DLGAP2: variants seen among roughly 807,000 people sequenced by gnomAD.
DLGAP2 encodes the protein disks large-associated protein 2.
A neutral mutation model predicts 100.3 loss-of-function variants in DLGAP2; 26 were observed. The ratio of observed to expected loss-of-function variants is 0.26; its 90% CI spans 0.19 to 0.36. DLGAP2 has a LOEUF of 0.36. DLGAP2 is among the 10% of genes least tolerant of loss of function. The pLI is 1.00. For missense variants in DLGAP2, 1,858 were observed against 1,453.2 expected, an observed-to-expected ratio of 1.28 and a Z score of -4.53; for synonymous variants, 886 against 630.1, an observed-to-expected ratio of 1.41 and a Z score of -6.08.
At chr8:1,691,269 G>A (rs767133159) in intron 12 of DLGAP2, among the ~76,000 whole-genome samples, 2 of 152,262 alleles carry the variant, frequency 1.3e-5, no homozygotes, top group East Asian at 3.9e-4. Flanking sequence ...AACTCCCTGA[G>A]GTATAGGCCG....
chr8:1,063,184 G>A (rs574799367), intron 2 of DLGAP2, among the ~76,000 whole-genome samples: 1 of 152,324 alleles, frequency 6.6e-6, no homozygotes, highest in African/African-American at 2.4e-5. Context: ...GCCGCAAAGT[G>A]CTGCCATATA....
At chr8:1,439,368 C>T (rs1005203848) in intron 3 of DLGAP2, among the ~76,000 whole-genome samples, 1 of 152,144 alleles carries the variant, frequency 6.6e-6, no homozygotes, top group Admixed American at 6.5e-5. Flanking sequence ...ACAGCACAGT[C>T]ATTGCCACGG....
At chr8:796,511 G>A (rs1796040167) in intron 1 of DLGAP2, among the ~76,000 whole-genome samples, 1 of 152,162 alleles carries the variant, frequency 6.6e-6, no homozygotes, top group South Asian at 2.1e-4. Context: ...GGCCTGCTCT[G>A]TTCTCTCCCT....
In DLGAP2 at chr8:1,548,328, AGG is replaced by A. The variant is rs1801615649; in HGVS notation, c.173-297_173-296del. Reference sequence around the variant, plus strand: ...TACAAAATTAGCCGGGCGTGGTGGCAGGCGCCTGTAGTCCCAGCTACTCGGGA... The same window carrying A: ...TACAAAATTAGCCGGGCGTGGTGGCACGCCTGTAGTCCCAGCTACTCGGGA... On this transcript the variant is annotated intron_variant, in intron 4 of 14. Transcript: ENST00000637795. Among the ~76,000 whole-genome samples, 7 of 100,940 alleles carry A rather than the reference AGG, an allele frequency of 6.9e-5. 1 individual carries two copies. The highest frequency in any genetic ancestry group is 2.0e-4 in the African/African-American group (5 of 25,062). 66.2% of individuals were successfully genotyped at this position (100,940 alleles called of 152,430 possible).
intron 2 of DLGAP2, among the ~76,000 whole-genome samples, chr8:999,614 G>A (rs1461663138): frequency 2.0e-5 from 3 of 151,894 alleles, no homozygotes; most frequent in Admixed American, 6.6e-5. Flanking sequence ...GAGTAGCTGG[G>A]ATTACAGGCG....
intron 13 of DLGAP2, among the ~76,000 whole-genome samples, chr8:1,692,365 G>C (rs113043481): frequency 1.9e-3 from 34 of 18,338 alleles, no homozygotes; most frequent in Admixed American, 4.1e-3. Flanking sequence ...CGGTACCGAG[G>C]CAGGGAGGCG....
chr8:1,058,644 C>T (rs569774916), intron 2 of DLGAP2, among the ~76,000 whole-genome samples: 1 of 152,214 alleles, frequency 6.6e-6, no homozygotes, highest in African/African-American at 2.4e-5. Flanking sequence ...TTCTAGCCAT[C>T]TACCAAGTAG....
At chr8:1,577,982 G>T (rs957465492) in intron 6 of DLGAP2, among the ~76,000 whole-genome samples, 1 of 152,162 alleles carries the variant, frequency 6.6e-6, no homozygotes, top group East Asian at 1.9e-4. Context: ...ACGTTTTGTT[G>T]GTAAATTACG....
chr8:1,352,443 TG>T (rs1801757651), intron 3 of DLGAP2, among the ~76,000 whole-genome samples: 1 of 152,132 alleles, frequency 6.6e-6, no homozygotes, highest in South Asian at 2.1e-4. Flanking sequence ...CTCCCCTTCC[TG>T]GGGTCACCGC....
intron 4 of DLGAP2, among the ~76,000 whole-genome samples, chr8:1,522,530 G>C (rs1800641747): frequency 6.6e-6 from 1 of 152,218 alleles, no homozygotes. Context: ...TGGGCCCCCG[G>C]CCATCAGCAG....
chr8:960,009 T>A (rs1799685987), intron 2 of DLGAP2, among the ~76,000 whole-genome samples: 2 of 152,128 alleles, frequency 1.3e-5, no homozygotes, highest in South Asian at 2.1e-4. Context: ...AAACTGATGT[T>A]TGAGGATTAT....
intron 2 of DLGAP2, among the ~76,000 whole-genome samples, chr8:936,073 C>T (rs1021357019): frequency 6.6e-6 from 1 of 152,070 alleles, no homozygotes; most frequent in Non-Finnish European, 1.5e-5. Flanking sequence ...TCGCGGAGCA[C>T]GTTGTGGGTT....
chr8:1,427,349 C>T (rs1248103104), intron 3 of DLGAP2, among the ~76,000 whole-genome samples: 3 of 152,258 alleles, frequency 2.0e-5, no homozygotes, highest in Non-Finnish European at 4.4e-5. Flanking sequence ...GTAGAATAAA[C>T]ACTCTTTTTA....
At chr8:1,261,040 C>T (rs1394561266) in intron 3 of DLGAP2, among the ~76,000 whole-genome samples, 1 of 152,240 alleles carries the variant, frequency 6.6e-6, no homozygotes, top group Non-Finnish European at 1.5e-5. Context: ...GAAACGTGTT[C>T]GTTCCTGCTC....
rs7015660 is a variant in DLGAP2 at position 1,001,567 on chromosome 8, G to C, written c.73+93601G>C. The stretch of plus-strand genomic sequence containing the variant: ...TCATGAAACCTCAAACGAAAGTTAC[G>C]GAGAAATGATTGGAAAAAACCGAAT... On this transcript the variant is annotated intron_variant, in intron 2 of 14. Transcript: ENST00000637795. Among the ~76,000 whole-genome samples the C allele has an allele frequency of 9.8e-3, 1,497 of 152,240 alleles. 28 individuals carry two copies. Among genetic ancestry groups the C allele is most frequent in the African/African-American group, 0.034 (1,404 of 41,544 alleles).
At chr8:1,141,353 A>C (rs372065014) in intron 2 of DLGAP2, among the ~76,000 whole-genome samples, 2 of 152,238 alleles carry the variant, frequency 1.3e-5, no homozygotes, top group African/African-American at 4.8e-5. Context: ...AAGAAACCCA[A>C]TTGGACCTGA....
chr8:1,003,164 G>T (rs900882767), intron 2 of DLGAP2: 1 of 152,266 alleles, frequency 6.6e-6, no homozygotes, highest in Non-Finnish European at 1.5e-5. Flanking sequence ...TCAGGATGGC[G>T]CAGGGCCACC....
chr8:1,335,042 A>T (rs13255561), intron 3 of DLGAP2, among the ~76,000 whole-genome samples: 2 of 152,130 alleles, frequency 1.3e-5, no homozygotes, highest in Admixed American at 1.3e-4. Context: ...CTGTTGCTGC[A>T]TTGTCTAGAA....
intron 8 of DLGAP2, among the ~76,000 whole-genome samples, chr8:1,647,999 G>A (rs1279604046): frequency 2.0e-5 from 3 of 152,164 alleles, no homozygotes; most frequent in Non-Finnish European, 4.4e-5. Flanking sequence ...GGTCACAGAC[G>A]TCGGTCATCT....
Sources: gnomAD v4.1 joint callset for allele counts (sites outside exome capture counted in the v4.1 genomes callset) on GRCh38, gnomAD v4.1.1 for gene constraint, MANE v1.5 for transcripts, NCBI Gene and HGNC (gene_info 2026-07-23, HGNC 2026-07-21) for gene names.